TMEM106C: variants seen among roughly 807,000 people sequenced by gnomAD.
TMEM106C encodes transmembrane protein 106C, also known as endoplasmic reticulum membrane protein overexpressed in cancer.
A neutral mutation model predicts 30.8 loss-of-function variants in TMEM106C; 27 were observed. That is an observed-to-expected ratio of 0.88 (90% CI 0.65 to 1.21). The LOEUF is 1.21. Among genes scored for constraint, TMEM106C ranks in the 50% most tolerant of loss-of-function variants. TMEM106C has a pLI of 0.00. For synonymous variants in TMEM106C, 123 were observed against 118.8 expected (o/e 1.04, Z -0.23); for missense variants, 288 against 307.8 (o/e 0.94, Z 0.48).
At chr12:47,967,344 AGGG>A in intron 7 of TMEM106C, 83 bp downstream of exon 7, 1 of 1,433,334 alleles carries the variant, frequency 7.0e-7, no homozygotes, top group African/African-American at 1.4e-5. Context: ...GTGTGACCAC[AGGG>A]CAGAGGCACC....
At position 47,967,171 on chromosome 12, in the gene TMEM106C, A is replaced by AAAAAAC. The variant is rs777441669; in HGVS notation, c.603-32_603-31insCAAAAA. The AAAAAAC allele has an allele frequency of 3.7e-6, 6 of 1,612,158 alleles. No homozygotes were observed. The South Asian group carries it at 6.6e-5, about 18-fold the overall frequency. ...ACTCTTCTACTGAGGCTTTAAAAAAAAAAAAACTGACTATTTCCATATTTG... is the reference window on the plus strand; with the variant it reads ...ACTCTTCTACTGAGGCTTTAAAAAAAAAAAACAAAAAACTGACTATTTCCATATTTG... On this transcript the variant is annotated intron_variant, in intron 6 of 7. Coordinates refer to ENST00000429772, the MANE Select transcript of TMEM106C (RefSeq NM_001143842.2).
At chr12:47,965,464 C>G in intron 3 of TMEM106C, 119 bp downstream of exon 3, 1 of 976,990 alleles carries the variant, frequency 1.0e-6, no homozygotes, top group East Asian at 2.5e-5. Context: ...CCCCATTTTC[C>G]TTATAACTGT....
Position 47,964,368 on chromosome 12 carries a change from C to T in TMEM106C, c.132C>T (p.Thr44=), listed in dbSNP as rs774457348. ...CTCAGTTCCCATATGTGGAATTCAC[C>T]GGGAGAGATAGCATCACCTGTCTCA... ...AIAQFPYVEF[T]GRDSITCLTC... Residue 44 remains threonine, a synonymous_variant, in exon 2 of 8, where the codon ACC becomes ACT. Transcript: ENST00000429772. 23 of 1,614,162 alleles carry T rather than the reference C, an allele frequency of 1.4e-5. No homozygotes were observed. The highest frequency in any genetic ancestry group is 1.9e-5 in the Non-Finnish European group (22 of 1,180,028).
intron 5 of TMEM106C, 136 bp from the exon 6 acceptor site, chr12:47,966,547 C>CTATA (rs1938229368): frequency 1.0e-6 from 1 of 993,744 alleles, no homozygotes; most frequent in African/African-American, 1.6e-5. Flanking sequence ...GGCTCATAGA[C>CTATA]TATATTAGGG....
intron 7 of TMEM106C, among the ~76,000 whole-genome samples, chr12:47,967,485 A>G (rs2136485962): frequency 6.6e-6 from 1 of 152,334 alleles, no homozygotes; most frequent in South Asian, 2.1e-4. Flanking sequence ...TTTTCTCCAT[A>G]AAATGGGTCT....
intron 7 of TMEM106C, 54 bp downstream of exon 7, chr12:47,967,315 C>G: frequency 1.3e-6 from 2 of 1,597,346 alleles, no homozygotes; most frequent in Non-Finnish European, 1.7e-6. Context: ...AGCCTACCAC[C>G]TTTGCTCAGG....
Position 47,967,111 on chromosome 12 carries a change from A to AG in TMEM106C, c.603-91dup, listed in dbSNP as rs202082515. The AG allele has an allele frequency of 3.7e-4, 470 of 1,254,814 alleles. 4 individuals are homozygous for AG. The East Asian group carries it at 0.01, about 27-fold the overall frequency. The allele number at this position is 1,254,814 out of a possible 1,614,324, so 77.7% of individuals were successfully genotyped here. ...TGGCAGCACTTAGGTCGGAAGGGGG[A>AG]GGGGGGCACCCCAAACAGGACAGTG... On this transcript the variant is annotated intron_variant, in intron 6 of 7. Coordinates refer to ENST00000429772, the MANE Select transcript of TMEM106C (RefSeq NM_001143842.2).
At chr12:47,968,053 C>A (rs1938300746) in intron 7 of TMEM106C, 80 bp from the exon 8 acceptor site, 2 of 1,213,824 alleles carry the variant, frequency 1.6e-6, no homozygotes, top group Admixed American at 1.7e-5. Flanking sequence ...TCTGAACTTG[C>A]AAAAAATTTC....
chr12:47,967,474 A>G (rs1428521171), intron 7 of TMEM106C, among the ~76,000 whole-genome samples: 2 of 152,074 alleles, frequency 1.3e-5, no homozygotes, highest in Non-Finnish European at 2.9e-5. Flanking sequence ...GCAGTCAAAC[A>G]TTTTCTCCAT....
In TMEM106C at chr12:47,968,797, G is replaced by A. The variant is rs1565660328; in HGVS notation, c.*568G>A. Reference sequence around the variant, plus strand: ...AGAATTGTTTTTACCAAGAGTCTATGTGGGGCTTGATTCACCCTTCATCCA... The same window carrying A: ...AGAATTGTTTTTACCAAGAGTCTATATGGGGCTTGATTCACCCTTCATCCA... On this transcript the variant is annotated 3_prime_UTR_variant, in exon 8 of 8. Transcript: ENST00000429772. 6.1e-6 allele frequency: 1 copy of A among 163,118 alleles called. No homozygotes were observed. The highest frequency in any genetic ancestry group is 2.4e-5 in the African/African-American group (1 of 41,184). The allele number at this position is 163,118 out of a possible 1,614,324, so 10.1% of individuals were successfully genotyped here. A position where few individuals can be genotyped will look rare whatever the true frequency, so the allele number is the denominator to read the frequency against.
chr12:47,966,516 A>C, intron 5 of TMEM106C, 167 bp from the exon 6 acceptor site: 1 of 753,138 alleles, frequency 1.3e-6, no homozygotes, highest in Non-Finnish European at 2.2e-6. Flanking sequence ...AAAAGGGAAG[A>C]GGTTGGCAGT....
At chr12:47,967,030 A>G (rs562716134) in intron 6 of TMEM106C, 178 bp from the exon 7 acceptor site, 18 of 714,836 alleles carry the variant, frequency 2.5e-5, no homozygotes, top group Middle Eastern at 2.5e-4. Flanking sequence ...AGAAAGTGGT[A>G]TGACGCTGTG....
intron 6 of TMEM106C, 96 bp from the exon 7 acceptor site, chr12:47,967,112 G>T (rs117699587): frequency 1.7e-5 from 22 of 1,289,508 alleles, no homozygotes; most frequent in African/African-American, 1.6e-4. Context: ...GGAAGGGGGA[G>T]GGGGGCACCC....
intron 6 of TMEM106C, 113 bp downstream of exon 6, chr12:47,966,845 G>T (rs1379160040): frequency 5.5e-6 from 6 of 1,084,620 alleles, no homozygotes; most frequent in Admixed American, 3.9e-5. Context: ...TGACTTATAG[G>T]TTCCCTGGCT....
At chr12:47,967,795 G>A (rs1938289354) in intron 7 of TMEM106C, among the ~76,000 whole-genome samples, 1 of 152,126 alleles carries the variant, frequency 6.6e-6, no homozygotes, top group African/African-American at 2.4e-5. Flanking sequence ...ATTATAGGAT[G>A]TTTAACAGTA....
At position 47,968,347 on chromosome 12, in the gene TMEM106C, TAACTC is replaced by T; in HGVS notation, c.*119_*123del. The stretch of plus-strand genomic sequence containing the variant: ...TAAGCAGAGGAGGAATTGGTTCACT[TAACTC>T]CCAGCAAACATCCTCCTGCCACTTA... On this transcript the variant is annotated 3_prime_UTR_variant, in exon 8 of 8. Coordinates refer to ENST00000429772, the MANE Select transcript of TMEM106C (RefSeq NM_001143842.2). 1.3e-6 allele frequency: 1 copy of T among 789,142 alleles called. No individual in the cohort carries two copies. 48.9% of individuals were successfully genotyped at this position (789,142 alleles called of 1,614,324 possible).
chr12:47,966,296 C>A, intron 5 of TMEM106C, 67 bp downstream of exon 5: 7 of 1,557,756 alleles, frequency 4.5e-6, no homozygotes, highest in Non-Finnish European at 5.3e-6. Flanking sequence ...GTAGGAATGC[C>A]ATAGCTGTGT....
rs1369552722 is a variant in TMEM106C at position 47,964,022 on chromosome 12, G to T, written c.-28-187G>T. On this transcript the variant is annotated intron_variant, in intron 1 of 7. Transcript: ENST00000429772. Reference sequence around the variant, plus strand: ...CTCCCCACCCCCGCCGGCTGTGTGTGGCGGGTAAGAGGAGAGTGGGTAGCA... The same window carrying T: ...CTCCCCACCCCCGCCGGCTGTGTGTTGCGGGTAAGAGGAGAGTGGGTAGCA... 7.2e-5 allele frequency: 42 copies of T among 580,084 alleles called. No individual in the cohort carries two copies. In the East Asian group the frequency reaches 1.2e-3, roughly 17 times the overall value. The allele number at this position is 580,084 out of a possible 1,614,324, so 35.9% of individuals were successfully genotyped here. A position where few individuals can be genotyped will look rare whatever the true frequency, so the allele number is the denominator to read the frequency against.
intron 1 of TMEM106C, 160 bp from the exon 2 acceptor site, chr12:47,964,046 CACT>C (rs1938136711): frequency 1.6e-6 from 1 of 622,866 alleles, no homozygotes; most frequent in Non-Finnish European, 2.8e-6. Flanking sequence ...GAGTGGGTAG[CACT>C]ACTACAAAAT....
Sources: gnomAD v4.1 joint callset for allele counts (sites outside exome capture counted in the v4.1 genomes callset) on GRCh38, gnomAD v4.1.1 for gene constraint, MANE v1.5 for transcripts, NCBI Gene and HGNC (gene_info 2026-07-23, HGNC 2026-07-21) for gene names.